Variants in GPC5 observed in about 807,000 individuals in gnomAD.
The protein encoded by GPC5 is glypican-5.
Under a neutral mutation model 53.9 loss-of-function variants are expected in GPC5, and 47 were observed. That is an observed-to-expected ratio of 0.87 (90% CI 0.69 to 1.11). The LOEUF (loss-of-function observed/expected upper bound fraction) is 1.11, where lower values mean the gene tolerates loss of function less well. Among genes scored for constraint, GPC5 ranks in the 50% most tolerant of loss-of-function variants. GPC5 has a pLI of 0.00. For synonymous variants in GPC5, 286 were observed against 263.3 expected, an observed-to-expected ratio of 1.09 and a Z score of -0.84; for missense variants, 748 against 713.1, an observed-to-expected ratio of 1.05 and a Z score of -0.56.
At chr13:91,722,234 G>T (rs2036489354) in intron 3 of GPC5, among the ~76,000 whole-genome samples, 1 of 152,214 alleles carries the variant, frequency 6.6e-6, no homozygotes, top group African/African-American at 2.4e-5. Flanking sequence ...GACTTTGAGA[G>T]AGCTCAGTCT....
chr13:92,533,138 G>T (rs914252686), intron 7 of GPC5, among the ~76,000 whole-genome samples: 5 of 152,002 alleles, frequency 3.3e-5, no homozygotes, highest in African/African-American at 4.8e-5. Flanking sequence ...TTTTATTACA[G>T]AATCCAATGG....
intron 7 of GPC5, among the ~76,000 whole-genome samples, chr13:92,715,232 G>A (rs1335653136): frequency 6.6e-6 from 1 of 152,116 alleles, no homozygotes; most frequent in African/African-American, 2.4e-5. Flanking sequence ...GACTTGACTC[G>A]TCTTTTCTAT....
At chr13:92,693,623 C>T (rs958323038) in intron 7 of GPC5, among the ~76,000 whole-genome samples, 9 of 152,040 alleles carry the variant, frequency 5.9e-5, no homozygotes, top group Admixed American at 1.3e-4. Context: ...AGTATTCAAG[C>T]GGTGACCTGG....
At chr13:92,087,854 C>T (rs953130115) in intron 6 of GPC5, among the ~76,000 whole-genome samples, 26 of 151,914 alleles carry the variant, frequency 1.7e-4, no homozygotes, top group African/African-American at 5.6e-4. Flanking sequence ...GAATGTCATT[C>T]CAATGTGAGA....
intron 7 of GPC5, among the ~76,000 whole-genome samples, chr13:92,322,445 T>C (rs141028205): frequency 1.3e-5 from 2 of 152,280 alleles, no homozygotes; most frequent in Non-Finnish European, 2.9e-5. Context: ...GTTTGGAAAA[T>C]AATTTCTGTA....
intron 6 of GPC5, among the ~76,000 whole-genome samples, chr13:92,038,685 G>C (rs1349981459): frequency 2.2e-5 from 3 of 139,330 alleles, no homozygotes; most frequent in Non-Finnish European, 4.9e-5. Flanking sequence ...TAGATAGATA[G>C]ATAGATAGAT....
intron 7 of GPC5, among the ~76,000 whole-genome samples, chr13:92,429,374 GA>G (rs1205689639): frequency 1.3e-5 from 2 of 151,440 alleles, no homozygotes; most frequent in Non-Finnish European, 3.0e-5. Flanking sequence ...CTCAGGCGCA[GA>G]AAAATGGAAA....
intron 6 of GPC5, among the ~76,000 whole-genome samples, chr13:92,045,458 C>G (rs557392181): frequency 6.6e-6 from 1 of 152,020 alleles, no homozygotes; most frequent in Non-Finnish European, 1.5e-5. Flanking sequence ...TAAACTTTCC[C>G]TGGGATATTT....
chr13:91,754,107 C>G (rs2037237341), intron 4 of GPC5, among the ~76,000 whole-genome samples: 1 of 152,102 alleles, frequency 6.6e-6, no homozygotes, highest in Non-Finnish European at 1.5e-5. Context: ...GTTTGGAAAA[C>G]AGAACCTCAC....
chr13:92,362,271 G>C (rs1017283375), intron 7 of GPC5, among the ~76,000 whole-genome samples: 1 of 151,634 alleles, frequency 6.6e-6, no homozygotes, highest in Non-Finnish European at 1.5e-5. Context: ...TTCAAACTGC[G>C]TCCAAGTCCA....
At chr13:91,949,066 A>G (rs867349185) in intron 6 of GPC5, among the ~76,000 whole-genome samples, 6 of 152,154 alleles carry the variant, frequency 3.9e-5, no homozygotes, top group African/African-American at 1.4e-4. Flanking sequence ...CTTGATACTC[A>G]TACATAACTC....
At chr13:92,336,098 A>G (rs2043321335) in intron 7 of GPC5, among the ~76,000 whole-genome samples, 2 of 152,212 alleles carry the variant, frequency 1.3e-5, no homozygotes, top group Admixed American at 6.5e-5. Flanking sequence ...GGATGTATAT[A>G]AAAATCTGAG....
intron 2 of GPC5, among the ~76,000 whole-genome samples, chr13:91,499,311 G>C (rs1331282083): frequency 1.3e-5 from 2 of 152,106 alleles, no homozygotes; most frequent in Non-Finnish European, 2.9e-5. Flanking sequence ...TATGTGTTTA[G>C]ATTTTGGGAG....
chr13:91,979,456 A>G lies in GPC5; in HGVS notation c.1401+71399A>G, dbSNP rs576910251. 2.6e-5 allele frequency among the ~76,000 whole-genome samples: 4 copies of G among 152,326 alleles called. No individual in the cohort carries two copies. The South Asian group carries it at 8.3e-4, about 32-fold the overall frequency. ...CACATGTATTAACTGTTTTGAAATG[A>G]TATTACTACCCTTCTAAGCACATGA... On this transcript the variant is annotated intron_variant, in intron 6 of 7. Coordinates refer to ENST00000377067, the MANE Select transcript of GPC5 (RefSeq NM_004466.6).
chr13:92,475,221 T>A (rs184946676), intron 7 of GPC5, among the ~76,000 whole-genome samples: 2,205 of 150,328 alleles, frequency 0.015, 26 homozygotes, highest in Middle Eastern at 0.034. Flanking sequence ...TAAAGTAGTT[T>A]TTTCCAATTC....
At chr13:92,014,688 T>C (rs1374687534) in intron 6 of GPC5, among the ~76,000 whole-genome samples, 1 of 152,178 alleles carries the variant, frequency 6.6e-6, no homozygotes, top group Non-Finnish European at 1.5e-5. Flanking sequence ...TAACTTTTCA[T>C]GTTGACCATG....
At chr13:92,314,673 G>A (rs979762384) in intron 7 of GPC5, among the ~76,000 whole-genome samples, 7 of 152,190 alleles carry the variant, frequency 4.6e-5, no homozygotes, top group African/African-American at 1.7e-4. Context: ...AAGATGTAAG[G>A]GAAATAACTG....
At chr13:92,053,326 C>T (rs2041045912) in intron 6 of GPC5, among the ~76,000 whole-genome samples, 2 of 152,198 alleles carry the variant, frequency 1.3e-5, no homozygotes, top group Non-Finnish European at 1.5e-5. Flanking sequence ...TCAAAGTTGA[C>T]CTCTCTCTGT....
At chr13:92,048,790 G>T (rs188938809) in intron 6 of GPC5, among the ~76,000 whole-genome samples, 1 of 152,220 alleles carries the variant, frequency 6.6e-6, no homozygotes, top group East Asian at 1.9e-4. Context: ...AGTCACAATG[G>T]TTTTTTCTCA....
Sources: gnomAD v4.1 joint callset for allele counts (sites outside exome capture counted in the v4.1 genomes callset) on GRCh38, gnomAD v4.1.1 for gene constraint, MANE v1.5 for transcripts, NCBI Gene and HGNC (gene_info 2026-07-23, HGNC 2026-07-21) for gene names.